OR51B5: variants seen among roughly 807,000 people sequenced by gnomAD.
OR51B5 encodes the protein olfactory receptor family 51 subfamily B member 5, also known as olfactory receptor 51B5.
For synonymous variants in OR51B5, 186 were observed against 144.8 expected (o/e 1.28, Z -2.04); for missense variants, 456 against 374.6 (o/e 1.22, Z -1.79).
At chr11:5,472,944 A>G (rs1377401410) in intron 1 of OR51B5, among the ~76,000 whole-genome samples, 9 of 152,174 alleles carry the variant, frequency 5.9e-5, no homozygotes, top group Admixed American at 5.9e-4. Flanking sequence ...ACTGGTTTTA[A>G]CACTGAAAGT....
rs1197134244 is a variant in OR51B5, at chr11:5,343,206, AG to A, written c.318del (p.Leu108SerfsTer32). 3 of 1,613,838 alleles carry A rather than the reference AG, an allele frequency of 1.9e-6. 1 individual carries two copies. The Admixed American group carries it at 5.0e-5, about 27-fold the overall frequency. ...GCAAGCAGAATGCCAGACTCGAGAA[AG>A]GAAAGTGAGTGTATAAAGTAGGCCT... On this transcript the variant is annotated frameshift_variant, in exon 1 of 1. Coordinates refer to ENST00000300773, the Ensembl canonical transcript of OR51B5. LOFTEE classifies it low-confidence loss of function (END_TRUNC).
chr11:5,495,642 A>C (rs1172911218), intron 1 of OR51B5, among the ~76,000 whole-genome samples: 1 of 152,124 alleles, frequency 6.6e-6, no homozygotes, highest in Non-Finnish European at 1.5e-5. Flanking sequence ...AGAAATCATC[A>C]AATCAAAAAG....
chr11:5,454,299 T>C (rs781728920), intron 1 of OR51B5: 2 of 1,614,226 alleles, frequency 1.2e-6, no homozygotes, highest in Non-Finnish European at 8.5e-7. Flanking sequence ...TGTCCCATGC[T>C]ACATACATGT....
chr11:5,384,817 G>A (rs551969393), intron 1 of OR51B5, among the ~76,000 whole-genome samples: 78 of 152,254 alleles, frequency 5.1e-4, no homozygotes, highest in African/African-American at 1.8e-3. Flanking sequence ...CCAGGATATG[G>A]CCTTCGCCTT....
At chr11:5,376,056 T>G (rs1564792060) in intron 1 of OR51B5, among the ~76,000 whole-genome samples, 1 of 152,086 alleles carries the variant, frequency 6.6e-6, no homozygotes, top group African/African-American at 2.4e-5. Context: ...GACCACATAC[T>G]TGGAAGTAAA....
At chr11:5,468,432 A>C (rs938659830) in intron 1 of OR51B5, 4 of 327,026 alleles carry the variant, frequency 1.2e-5, no homozygotes, top group African/African-American at 6.6e-5. Context: ...TGGTACACCC[A>C]AACATCAGCA....
intron 1 of OR51B5, chr11:5,454,445 A>T: frequency 6.3e-7 from 1 of 1,581,958 alleles, no homozygotes; most frequent in Non-Finnish European, 8.6e-7. Context: ...ACTTGGCTTT[A>T]GAATCTGTTA....
intron 1 of OR51B5, among the ~76,000 whole-genome samples, chr11:5,365,469 A>C (rs1011666247): frequency 6.6e-6 from 1 of 151,918 alleles, no homozygotes; most frequent in East Asian, 1.9e-4. Context: ...AGGTAACCCA[A>C]TTCTGGTCTG....
At position 5,440,349 on chromosome 11, in the gene OR51B5, TACTC is replaced by T. The variant is rs761036591; in HGVS notation, n.84+65216_84+65219del. Among the ~76,000 whole-genome samples, 55 of 152,238 alleles carry T rather than the reference TACTC, an allele frequency of 3.6e-4. 1 individual carries two copies. Among genetic ancestry groups the T allele is most frequent in the Non-Finnish European group, 7.6e-4 (52 of 68,026 alleles). On this transcript the variant is annotated intron_variant and non_coding_transcript_variant, in intron 1 of 4. Coordinates refer to the OR51B5 transcript ENST00000415970. ...TATCTGGTTACTTGACAATATTTCA[TACTC>T]ACCATTATAACATGCCTAGTAGCAA...
chr11:5,478,732 G>A (rs2454330), intron 1 of OR51B5, among the ~76,000 whole-genome samples: 5 of 150,046 alleles, frequency 3.3e-5, no homozygotes, highest in East Asian at 1.9e-4. Context: ...CTCAGGAGCC[G>A]ATGCGATCAA....
intron 1 of OR51B5, among the ~76,000 whole-genome samples, chr11:5,372,905 G>T (rs1237900358): frequency 6.6e-6 from 1 of 152,140 alleles, no homozygotes; most frequent in African/African-American, 2.4e-5. Context: ...GGCAGCACAC[G>T]TTCTGATTTC....
At chr11:5,422,350 C>G (rs1274040632) in intron 1 of OR51B5, 5 of 1,614,176 alleles carry the variant, frequency 3.1e-6, no homozygotes, top group Non-Finnish European at 4.2e-6. Context: ...TCCTCACTGT[C>G]ATTCGCACAG....
chr11:5,390,151 G>C, intron 1 of OR51B5: 3 of 1,613,874 alleles, frequency 1.9e-6, no homozygotes, highest in Non-Finnish European at 2.5e-6. Context: ...GTGCCTTTCA[G>C]ACATGCACCG....
At chr11:5,343,416 G>C in exon 1 of OR51B5, 1 of 1,613,524 alleles carries the variant, frequency 6.2e-7, no homozygotes, top group Non-Finnish European at 8.5e-7. Flanking sequence ...TTGCCAAAAA[G>C]GATGGATATA....
chr11:5,457,218 G>A (rs114871150), intron 1 of OR51B5, among the ~76,000 whole-genome samples: 2,410 of 152,218 alleles, frequency 0.016, 61 homozygotes, highest in African/African-American at 0.054. Context: ...CCCCTTATAT[G>A]TGAAAAGAGG....
chr11:5,417,476 C>G (rs1850261036), intron 1 of OR51B5, among the ~76,000 whole-genome samples: 2 of 151,336 alleles, frequency 1.3e-5, no homozygotes, highest in Non-Finnish European at 2.9e-5. Context: ...AAACTACCAT[C>G]AGAGTGAACA....
At chr11:5,434,050 C>T (rs912379269) in intron 1 of OR51B5, among the ~76,000 whole-genome samples, 9 of 152,230 alleles carry the variant, frequency 5.9e-5, no homozygotes, top group South Asian at 2.1e-4. Context: ...TATTGATCAG[C>T]GGTTCTCAAC....
At chr11:5,384,887 T>C (rs1252594583) in intron 1 of OR51B5, among the ~76,000 whole-genome samples, 1 of 152,212 alleles carries the variant, frequency 6.6e-6, no homozygotes, top group Non-Finnish European at 1.5e-5. Context: ...TTGACCACTG[T>C]GGAAATGTTC....
At chr11:5,371,326 T>C (rs1426935160) in intron 1 of OR51B5, among the ~76,000 whole-genome samples, 2 of 152,124 alleles carry the variant, frequency 1.3e-5, no homozygotes, top group African/African-American at 2.4e-5. Flanking sequence ...GAACATATAA[T>C]TCTCATTCTC....
Sources: gnomAD v4.1 joint callset for allele counts (sites outside exome capture counted in the v4.1 genomes callset) on GRCh38, gnomAD v4.1.1 for gene constraint, MANE v1.5 for transcripts, NCBI Gene and HGNC (gene_info 2026-07-23, HGNC 2026-07-21) for gene names.